The following RGS18 variants were observed in gnomAD, a reference collection of about 807,000 sequenced individuals.
RGS18 encodes the protein regulator of G-protein signaling 18.
In RGS18, 22 loss-of-function variants were observed where a neutral mutation model predicts 27.6. The ratio of observed to expected loss-of-function variants is 0.80; its 90% CI spans 0.57 to 1.14. RGS18 has a LOEUF of 1.14. Among genes scored for constraint, RGS18 ranks in the 50% most tolerant of loss-of-function variants. The pLI, the probability that RGS18 is intolerant of heterozygous loss-of-function variation, is 0.00. For synonymous variants in RGS18, 89 were observed against 84.6 expected, an observed-to-expected ratio of 1.05 and a Z score of -0.29; for missense variants, 299 against 269.6, an observed-to-expected ratio of 1.11 and a Z score of -0.76.
At chr1:192,175,974 T>G (rs1656351637) in intron 3 of RGS18, among the ~76,000 whole-genome samples, 1 of 151,664 alleles carries the variant, frequency 6.6e-6, no homozygotes. Context: ...CTGCTAAGAG[T>G]GAATTAAATT....
chr1:192,183,622 T>G (rs1194309425), intron 4 of RGS18, among the ~76,000 whole-genome samples: 1 of 151,520 alleles, frequency 6.6e-6, no homozygotes. Context: ...GCATCTATAT[T>G]AGGCCATTCT....
chr1:192,170,153 A>G (rs747941246), intron 3 of RGS18, among the ~76,000 whole-genome samples: 18 of 152,106 alleles, frequency 1.2e-4, no homozygotes, highest in South Asian at 4.1e-4. Flanking sequence ...AGACCTAAAC[A>G]TTGCCCCACA....
rs149062716 is a variant in RGS18 at position 192,166,291 on chromosome 1, A to G, written c.283+5852A>G. ...TATCATTAGAAGATCACTATAAGAG[A>G]TTAAATAGATGTATGCAATAATTCA... On this transcript the variant is annotated intron_variant, in intron 3 of 4. Transcript: ENST00000367460. Among the ~76,000 whole-genome samples the G allele has an allele frequency of 4.1e-3, 631 of 152,280 alleles. 4 individuals carry two copies. Among genetic ancestry groups the G allele is most frequent in the African/African-American group, 0.014 (582 of 41,566 alleles).
chr1:192,164,451 T>C (rs1385241391), intron 3 of RGS18, among the ~76,000 whole-genome samples: 1 of 152,142 alleles, frequency 6.6e-6, no homozygotes, highest in Non-Finnish European at 1.5e-5. Context: ...CAGGGAGGTG[T>C]TCTGATAATT....
chr1:192,171,796 G>T (rs865792618), intron 3 of RGS18, among the ~76,000 whole-genome samples: 1 of 151,936 alleles, frequency 6.6e-6, no homozygotes, highest in South Asian at 2.1e-4. Flanking sequence ...AGAGGATAAG[G>T]TCTATATAAA....
rs1308734031 is a variant in RGS18, at chr1:192,181,471, T to C, written c.450+13T>C. The C allele has an allele frequency of 3.3e-6, 5 of 1,495,050 alleles. No individual in the cohort carries two copies. Among genetic ancestry groups the C allele is most frequent in the Non-Finnish European group, 4.4e-6 (5 of 1,128,386 alleles). The allele number at this position is 1,495,050 out of a possible 1,614,324, so 92.6% of individuals were successfully genotyped here. On this transcript the variant is annotated intron_variant, in intron 4 of 4. Transcript: ENST00000367460. ...TGCCCCAAAAGAGGTACAGTAAAGA[T>C]AACTGTAAAAATGCATAATTGCTTT...
At chr1:192,172,317 G>T (rs1656274128) in intron 3 of RGS18, among the ~76,000 whole-genome samples, 1 of 151,932 alleles carries the variant, frequency 6.6e-6, no homozygotes, top group Admixed American at 6.6e-5. Context: ...CAGGGGAATG[G>T]ATTCGTTCCC....
rs1222179754 is a variant in RGS18 at position 192,184,538 on chromosome 1, T to A, written c.692T>A (p.Val231Asp). 5.6e-6 allele frequency: 9 copies of A among 1,610,866 alleles called. No homozygotes were observed. The highest frequency in any genetic ancestry group is 1.3e-5 in the African/African-American group (1 of 74,686). ...GAATTCCAAGATGTACAATCAGATG[T>A]TGCCATTTGGTTATAAAGAAAATTG... ...CNEFQDVQSD[V>D]AIWL The change falls in exon 5 of 5, where the codon GTT becomes GAT. Residue 231 changes from valine (V) to aspartate (D), a missense_variant. Physicochemically the swap from Val to Asp is radical, Grantham distance 152 (BLOSUM62 -3). Coordinates refer to ENST00000367460, the MANE Select transcript of RGS18 (RefSeq NM_130782.3).
intron 2 of RGS18, 90 bp from the exon 3 acceptor site, chr1:192,160,287 TG>T (rs1656047681): frequency 3.4e-6 from 2 of 588,490 alleles, no homozygotes; most frequent in Admixed American, 6.1e-5. Context: ...GAAATATAAT[TG>T]AAAAGAGCAG....
In RGS18 at chr1:192,184,305, T is replaced by C. The variant is rs746984371; in HGVS notation, c.459T>C (p.Leu153=). ...TTTTTCTGTTTATCCAGGTTAACCT[T>C]GATTTTCACACAAAAGAAGTCATTA... is the stretch of plus-strand genomic sequence containing the variant. The part of the protein sequence containing the change: ...IQTDAPKEVN[L]DFHTKEVITN... The change falls in exon 5 of 5, where the codon CTT becomes CTC. Residue 153 remains leucine (L), a synonymous_variant. Transcript: ENST00000367460. 1.0e-5 allele frequency: 16 copies of C among 1,607,022 alleles called. No homozygotes were observed. The highest frequency in any genetic ancestry group is 4.5e-5 in the East Asian group (2 of 44,638).
intron 2 of RGS18, 37 bp downstream of exon 2, chr1:192,159,358 T>A (rs1332689750): frequency 7.3e-7 from 1 of 1,374,028 alleles, no homozygotes; most frequent in South Asian, 1.2e-5. Context: ...AAGATTTTGC[T>A]GATTCTATCA....
intron 3 of RGS18, among the ~76,000 whole-genome samples, chr1:192,170,811 A>G (rs1320734468): frequency 1.3e-5 from 2 of 152,160 alleles, no homozygotes; most frequent in Non-Finnish European, 1.5e-5. Flanking sequence ...TAAAGTCATC[A>G]TAAGGCTCCA....
chr1:192,166,685 A>G (rs1204419473), intron 3 of RGS18, among the ~76,000 whole-genome samples: 3 of 152,256 alleles, frequency 2.0e-5, no homozygotes, highest in African/African-American at 4.8e-5. Flanking sequence ...TGAGCCAAAG[A>G]TTTCTAGATT....
chr1:192,180,225 C>A (rs917877348), intron 3 of RGS18, among the ~76,000 whole-genome samples: 3 of 151,566 alleles, frequency 2.0e-5, no homozygotes, highest in Non-Finnish European at 4.4e-5. Flanking sequence ...ATCATCATCA[C>A]AACCACCATT....
chr1:192,159,206 C>CCTT lies in RGS18; in HGVS notation c.120-13_120-11dup. ...CATCTAAATTGTCCTGACATGAAGG[C>CCTT]CTTTTTATTACAGAGCTAAGGAAAA... On this transcript the variant is annotated splice_polypyrimidine_tract_variant and intron_variant, in intron 1 of 4. Coordinates refer to ENST00000367460, the MANE Select transcript of RGS18 (RefSeq NM_130782.3). The CCTT allele has an allele frequency of 6.4e-7, 1 of 1,563,032 alleles. No individual in the cohort carries two copies. The highest frequency in any genetic ancestry group is 1.1e-5 in the South Asian group (1 of 89,636).
At chr1:192,179,968 C>T (rs116492674) in intron 3 of RGS18, among the ~76,000 whole-genome samples, 80 of 151,646 alleles carry the variant, frequency 5.3e-4, no homozygotes, top group African/African-American at 1.9e-3. Flanking sequence ...AAAGAGTACA[C>T]GGGGTCTCTC....
chr1:192,184,474 A>G lies in RGS18; in HGVS notation c.628A>G (p.Thr210Ala), dbSNP rs765906842. 11 of 1,611,688 alleles carry G rather than the reference A, an allele frequency of 6.8e-6. No individual in the cohort carries two copies. The highest frequency in any genetic ancestry group is 2.2e-5 in the South Asian group (2 of 91,032). The change falls in exon 5 of 5, where the codon ACA (threonine) becomes GCA (alanine). Residue 210 changes from threonine to alanine, a missense_variant. Physicochemically the swap from Thr to Ala is moderately conservative, Grantham distance 58. Coordinates refer to ENST00000367460, the MANE Select transcript of RGS18 (RefSeq NM_130782.3). ...DLMEGRPQRP[T>A]NLRRRSRSFT... ...GATGGAAGGAAGACCTCAGAGACCA[A>G]CAAATCTTAGGAGACGATCACGCTC...
chr1:192,169,310 G>C (rs552457478), intron 3 of RGS18: 26 of 152,290 alleles, frequency 1.7e-4, no homozygotes, highest in African/African-American at 6.0e-4. Context: ...TGTGGCTAGA[G>C]TGCAGTAGAT....
At chr1:192,160,887 T>C (rs969578748) in intron 3 of RGS18, among the ~76,000 whole-genome samples, 71 of 152,316 alleles carry the variant, frequency 4.7e-4, no homozygotes, top group African/African-American at 1.7e-3. Context: ...GAGTCTCGCT[T>C]TGTCGCCCAG....
Sources: gnomAD v4.1 joint callset for allele counts (sites outside exome capture counted in the v4.1 genomes callset) on GRCh38, gnomAD v4.1.1 for gene constraint, MANE v1.5 for transcripts, NCBI Gene and HGNC (gene_info 2026-07-23, HGNC 2026-07-21) for gene names.